CCDC179: variants seen among roughly 807,000 people sequenced by gnomAD.
CCDC179 encodes coiled-coil domain containing 179.
Under a neutral mutation model 12.0 loss-of-function variants are expected in CCDC179, and 17 were observed. That is an observed-to-expected ratio of 1.42 (90% CI 0.97 to 2.13). The LOEUF (loss-of-function observed/expected upper bound fraction) is 2.13. Ranked by LOEUF, CCDC179 falls within the 30% of genes most tolerant of loss-of-function variation. The pLI is 0.00. For missense variants in CCDC179, 83 were observed against 78.6 expected (o/e 1.06, Z -0.21); for synonymous variants, 27 against 26.4 (o/e 1.02, Z -0.07).
Position 22,860,437 on chromosome 11 carries a change from G to A in CCDC179, c.-16C>T. 6.5e-7 allele frequency: 1 copy of A among 1,533,480 alleles called. No individual in the cohort carries two copies. The highest frequency in any genetic ancestry group is 1.2e-5 in the South Asian group (1 of 83,666). 95.0% of individuals were successfully genotyped at this position (1,533,480 alleles called of 1,614,324 possible). On this transcript the variant is annotated 5_prime_UTR_variant, in exon 1 of 4. Coordinates refer to ENST00000532798, the MANE Select transcript of CCDC179 (RefSeq NM_001195637.2). The stretch of plus-strand genomic sequence containing the variant: ...ACAGGCACATGCCGTGGAGCCTTAG[G>A]GCGCCCCCTGACGCCTACTGCCTGT...
intron 3 of CCDC179, among the ~76,000 whole-genome samples, chr11:22,856,158 G>C (rs1209776749): frequency 6.6e-6 from 1 of 151,390 alleles, no homozygotes; most frequent in Non-Finnish European, 1.5e-5. Context: ...AATACTTCTT[G>C]ACTCATTCTG....
Position 22,847,332 on chromosome 11 carries a change from A to G in CCDC179, c.*178T>C. 2.6e-6 allele frequency: 1 copy of G among 385,082 alleles called. No individual in the cohort carries two copies. Among genetic ancestry groups the G allele is most frequent in the Non-Finnish European group, 4.5e-6 (1 of 219,938 alleles). 23.9% of individuals were successfully genotyped at this position (385,082 alleles called of 1,614,324 possible). On this transcript the variant is annotated 3_prime_UTR_variant, in exon 4 of 4. Coordinates refer to ENST00000532798, the MANE Select transcript of CCDC179 (RefSeq NM_001195637.2). ...AATATGGTAGTGAGAGATGGCATTT[A>G]ATAAAATTCTAGAGCCTGTAGCTTG... is the stretch of plus-strand genomic sequence containing the variant.
intron 3 of CCDC179, among the ~76,000 whole-genome samples, chr11:22,852,874 G>A (rs942592821): frequency 6.6e-6 from 1 of 152,206 alleles, no homozygotes; most frequent in African/African-American, 2.4e-5. Context: ...CCACTGGGCA[G>A]TTATAGATAC....
intron 2 of CCDC179, 72 bp downstream of exon 2, chr11:22,859,380 C>G: frequency 2.0e-6 from 2 of 994,480 alleles, no homozygotes; most frequent in South Asian, 4.3e-5. Context: ...TGTTAGGGAC[C>G]ACTACATAAA....
chr11:22,857,234 A>G (rs563168501), intron 3 of CCDC179, among the ~76,000 whole-genome samples: 1 of 151,844 alleles, frequency 6.6e-6, no homozygotes, highest in South Asian at 2.1e-4. Context: ...GGAAAAGAAC[A>G]GAAGAGGACT....
rs116687208 is a variant in CCDC179 at position 22,850,585 on chromosome 11, A to T, written c.196-3064T>A. ...AAGTGTCTTTTTAATATAACAACTT[A>T]TTTCCCTCTGGGTAGATACCCAGTA... On this transcript the variant is annotated intron_variant, in intron 3 of 3. Coordinates refer to ENST00000532798, the MANE Select transcript of CCDC179 (RefSeq NM_001195637.2). Among the ~76,000 whole-genome samples the T allele has an allele frequency of 5.9e-3, 863 of 145,442 alleles. 6 individuals carry two copies. Among genetic ancestry groups the T allele is most frequent in the African/African-American group, 0.022 (825 of 37,582 alleles).
rs143368375 is a variant in CCDC179 at position 22,860,061 on chromosome 11, A to C, written c.45+316T>G. Reference sequence around the variant, plus strand: ...AAGACCCAAGAGCAATCTGTTCCACATCTGGCAATTGAGAACTTTATCCTG... The same window carrying C: ...AAGACCCAAGAGCAATCTGTTCCACCTCTGGCAATTGAGAACTTTATCCTG... On this transcript the variant is annotated intron_variant, in intron 1 of 3. Coordinates refer to ENST00000532798, the MANE Select transcript of CCDC179 (RefSeq NM_001195637.2). Among the ~76,000 whole-genome samples, 622 of 152,330 alleles carry C rather than the reference A, an allele frequency of 4.1e-3. 12 individuals carry two copies. The highest frequency in any genetic ancestry group is 0.039 in the East Asian group (201 of 5,180).
chr11:22,857,889 A>T lies in CCDC179; in HGVS notation c.195+33T>A, dbSNP rs745896683. The T allele has an allele frequency of 4.6e-6, 5 of 1,076,576 alleles. No homozygotes were observed. The South Asian group carries it at 8.3e-5, about 18-fold the overall frequency. The allele number at this position is 1,076,576 out of a possible 1,614,324, so 66.7% of individuals were successfully genotyped here. On this transcript the variant is annotated intron_variant, in intron 3 of 3. Coordinates refer to ENST00000532798, the MANE Select transcript of CCDC179 (RefSeq NM_001195637.2). ...ATGATGATATCAGTTGCATTTAATGATCTGTTAATTTCAGTGAAACCTCTA... is the reference window on the plus strand; with the variant it reads ...ATGATGATATCAGTTGCATTTAATGTTCTGTTAATTTCAGTGAAACCTCTA...
At chr11:22,850,329 T>A (rs1858344090) in intron 3 of CCDC179, among the ~76,000 whole-genome samples, 1 of 152,234 alleles carries the variant, frequency 6.6e-6, no homozygotes, top group South Asian at 2.1e-4. Flanking sequence ...TCTTAACTCC[T>A]GTATCAAGAA....
chr11:22,847,324 T>C lies in CCDC179; in HGVS notation c.*186A>G. 1 of 381,036 alleles carries C rather than the reference T, an allele frequency of 2.6e-6. No individual in the cohort carries two copies. The allele number at this position is 381,036 out of a possible 1,614,324, so 23.6% of individuals were successfully genotyped here. On this transcript the variant is annotated 3_prime_UTR_variant, in exon 4 of 4. Transcript: ENST00000532798. Reference sequence around the variant, plus strand: ...GAAAGAAAAATATGGTAGTGAGAGATGGCATTTAATAAAATTCTAGAGCCT... The same window carrying C: ...GAAAGAAAAATATGGTAGTGAGAGACGGCATTTAATAAAATTCTAGAGCCT...
At chr11:22,857,771 A>C (rs1397837399) in intron 3 of CCDC179, 151 bp downstream of exon 3, 3 of 452,460 alleles carry the variant, frequency 6.6e-6, no homozygotes, top group Non-Finnish European at 1.2e-5. Context: ...ATATTTAAAT[A>C]ATAGATGAGA....
At chr11:22,860,042 C>G (rs1858625829) in intron 1 of CCDC179, among the ~76,000 whole-genome samples, 1 of 152,158 alleles carries the variant, frequency 6.6e-6, no homozygotes, top group African/African-American at 2.4e-5. Context: ...CCAGAAGACC[C>G]AAGAGCAATC....
At chr11:22,860,066 G>A (rs1276407270) in intron 1 of CCDC179, among the ~76,000 whole-genome samples, 4 of 152,092 alleles carry the variant, frequency 2.6e-5, no homozygotes, top group Admixed American at 2.6e-4. Context: ...TCCACATCTG[G>A]CAATTGAGAA....
rs558769188 is a variant in CCDC179 at position 22,852,430 on chromosome 11, T to G, written c.196-4909A>C. Among the ~76,000 whole-genome samples, 7 of 152,348 alleles carry G rather than the reference T, an allele frequency of 4.6e-5. No homozygotes were observed. The South Asian group carries it at 1.4e-3, about 32-fold the overall frequency. The stretch of plus-strand genomic sequence containing the variant: ...TAAGATGCAGGCATAGTCAAGTGAT[T>G]ACCAGCCATTATTCTGGAGGTCACA... On this transcript the variant is annotated intron_variant, in intron 3 of 3. Transcript: ENST00000532798.
chr11:22,859,568 T>G, intron 1 of CCDC179, 72 bp from the exon 2 acceptor site: 3 of 845,420 alleles, frequency 3.5e-6, no homozygotes, highest in Non-Finnish European at 5.1e-6. Flanking sequence ...ATTATTATAA[T>G]AGGAAGCCTA....
chr11:22,858,368 C>G (rs899383704), intron 2 of CCDC179, among the ~76,000 whole-genome samples: 3 of 151,930 alleles, frequency 2.0e-5, no homozygotes, highest in African/African-American at 7.2e-5. Flanking sequence ...GGAATTTTCT[C>G]TATAGAAATA....
At chr11:22,856,200 G>A (rs1590193274) in intron 3 of CCDC179, among the ~76,000 whole-genome samples, 1 of 151,270 alleles carries the variant, frequency 6.6e-6, no homozygotes, top group South Asian at 2.1e-4. Context: ...ACCAAAACCA[G>A]AAAAAGATAT....
chr11:22,857,839 T>G (rs1177556752), intron 3 of CCDC179, 83 bp downstream of exon 3: 1 of 648,382 alleles, frequency 1.5e-6, no homozygotes, highest in East Asian at 3.3e-5. Flanking sequence ...AAAGAAAATT[T>G]ATAGTGAATA....
chr11:22,855,115 A>G (rs1858503541), intron 3 of CCDC179, among the ~76,000 whole-genome samples: 3 of 151,894 alleles, frequency 2.0e-5, no homozygotes, highest in African/African-American at 7.2e-5. Context: ...ATAGCTGGAA[A>G]TGTCAATTCT....
Sources: allele counts gnomAD v4.1 joint callset (sites outside exome capture counted in the v4.1 genomes callset), GRCh38; gene constraint gnomAD v4.1.1; transcripts MANE v1.5; gene names NCBI Gene and HGNC (gene_info 2026-07-23, HGNC 2026-07-21).